Variants in ENAH observed in about 807,000 individuals in gnomAD.
The protein encoded by ENAH is protein enabled homolog.
ENAH carries 23 observed loss-of-function variants against 78.7 expected under a neutral mutation model. The observed-to-expected ratio is 0.29, with a 90% CI of 0.21 to 0.41. ENAH has a LOEUF of 0.41. ENAH is among the 10% of genes least tolerant of loss of function. ENAH has a pLI of 1.00. For missense variants in ENAH, 544 were observed against 691.0 expected, an observed-to-expected ratio of 0.79 and a Z score of 2.39; for synonymous variants, 226 against 241.0, an observed-to-expected ratio of 0.94 and a Z score of 0.58.
At position 225,493,254 on chromosome 1, in the gene ENAH, A is replaced by G. The variant is rs756604701; in HGVS notation, c.*4521T>C. On this transcript the variant is annotated 3_prime_UTR_variant, in exon 14 of 14. Transcript: ENST00000366843. The stretch of plus-strand genomic sequence containing the variant: ...GAAAAACCTGCATCACAGACCTCCA[A>G]CAGTTCTTGGCTTCTATAAACGGAC... 6.6e-6 allele frequency: 1 copy of G among 152,166 alleles called. No individual in the cohort carries two copies. Among genetic ancestry groups the G allele is most frequent in the African/African-American group, 2.4e-5 (1 of 41,440 alleles). 9.4% of individuals were successfully genotyped at this position (152,166 alleles called of 1,614,324 possible). A position where few individuals can be genotyped will look rare whatever the true frequency, so the allele number is the denominator to read the frequency against.
intron 3 of ENAH, chr1:225,535,594 C>T (rs899792912): frequency 3.9e-6 from 5 of 1,272,242 alleles, no homozygotes; most frequent in African/African-American, 3.1e-5. Context: ...TTAGAAGCTT[C>T]GAAGGACAAC....
chr1:225,639,222 A>G (rs1172372572), intron 1 of ENAH, among the ~76,000 whole-genome samples: 5 of 152,218 alleles, frequency 3.3e-5, no homozygotes, highest in African/African-American at 7.2e-5. Context: ...AGGGAACTTA[A>G]TGGCCTAAGT....
intron 1 of ENAH, among the ~76,000 whole-genome samples, chr1:225,622,939 G>GGAT (rs1452746124): frequency 6.6e-6 from 1 of 152,118 alleles, no homozygotes; most frequent in Non-Finnish European, 1.5e-5. Context: ...AGGGGCACAG[G>GGAT]GATAAGACAT....
At chr1:225,581,382 G>T in intron 1 of ENAH, 1 of 681,300 alleles carries the variant, frequency 1.5e-6, no homozygotes, top group Non-Finnish European at 1.8e-6. Context: ...AAAGGCACCA[G>T]GCAGAGCCAA....
chr1:225,591,950 C>T (rs1212159817), intron 1 of ENAH, among the ~76,000 whole-genome samples: 1 of 151,976 alleles, frequency 6.6e-6, no homozygotes, highest in Non-Finnish European at 1.5e-5. Flanking sequence ...TTCCTAGTTG[C>T]GTCACCTTAA....
intron 1 of ENAH, among the ~76,000 whole-genome samples, chr1:225,631,844 C>A (rs1659142280): frequency 6.6e-6 from 1 of 152,062 alleles, no homozygotes; most frequent in South Asian, 2.1e-4. Flanking sequence ...AGCATACCCA[C>A]AGATTTTGTT....
intron 1 of ENAH, among the ~76,000 whole-genome samples, chr1:225,591,775 A>G (rs1358711423): frequency 6.7e-6 from 1 of 148,792 alleles, no homozygotes; most frequent in Non-Finnish European, 1.5e-5. Context: ...AAAAAAAAAA[A>G]AAAAAAAAAA....
At chr1:225,638,711 G>C (rs887831416) in intron 1 of ENAH, among the ~76,000 whole-genome samples, 5 of 152,178 alleles carry the variant, frequency 3.3e-5, no homozygotes, top group African/African-American at 1.2e-4. Context: ...ACTCAAGGCT[G>C]AGCTGATCAA....
intron 1 of ENAH, among the ~76,000 whole-genome samples, chr1:225,585,863 T>A (rs1482585856): frequency 6.6e-6 from 1 of 152,048 alleles, no homozygotes; most frequent in Admixed American, 6.6e-5. Flanking sequence ...AATTTATAGT[T>A]GTGAATGCAT....
rs547356304 is a variant in ENAH at position 225,525,486 on chromosome 1, G to C, written c.434+5068C>G. Among the ~76,000 whole-genome samples the C allele has an allele frequency of 5.3e-5, 8 of 152,204 alleles. No homozygotes were observed. The East Asian group carries it at 1.5e-3, about 29-fold the overall frequency. On this transcript the variant is annotated intron_variant, in intron 4 of 13. Transcript: ENST00000366843. ...ACATGGTCCAACATAGCAGAACCACGGTCAGGTTTTTCTATTCTTTTGTTT... is the reference window on the plus strand; with the variant it reads ...ACATGGTCCAACATAGCAGAACCACCGTCAGGTTTTTCTATTCTTTTGTTT...
At chr1:225,632,468 A>G (rs1575801609) in intron 1 of ENAH, among the ~76,000 whole-genome samples, 2 of 151,610 alleles carry the variant, frequency 1.3e-5, no homozygotes, top group Non-Finnish European at 2.9e-5. Flanking sequence ...ATGGCACTCC[A>G]ACCTGGGTGA....
At chr1:225,611,319 C>A in intron 1 of ENAH, among the ~76,000 whole-genome samples, 1 of 151,956 alleles carries the variant, frequency 6.6e-6, no homozygotes, top group East Asian at 1.9e-4. Context: ...TATTTATTTA[C>A]GTATTTATTT....
intron 1 of ENAH, among the ~76,000 whole-genome samples, chr1:225,611,212 C>T (rs1293755830): frequency 6.6e-6 from 1 of 152,002 alleles, no homozygotes; most frequent in African/African-American, 2.4e-5. Flanking sequence ...CCCTGTAATC[C>T]CAGCACTTTG....
chr1:225,566,205 C>T (rs1282517709), intron 2 of ENAH, among the ~76,000 whole-genome samples: 3 of 152,146 alleles, frequency 2.0e-5, no homozygotes, highest in Non-Finnish European at 4.4e-5. Flanking sequence ...AAGGATTTCT[C>T]TTGTCTTCTT....
chr1:225,546,763 T>C (rs536386764), intron 3 of ENAH, among the ~76,000 whole-genome samples: 1 of 152,156 alleles, frequency 6.6e-6, no homozygotes, highest in Non-Finnish European at 1.5e-5. Flanking sequence ...GAACTCAATA[T>C]TTAGAGTCAA....
At chr1:225,549,665 C>A (rs535154026) in intron 3 of ENAH, among the ~76,000 whole-genome samples, 1 of 152,240 alleles carries the variant, frequency 6.6e-6, no homozygotes, top group East Asian at 1.9e-4. Flanking sequence ...TATGTATACG[C>A]CAGATTAAGA....
chr1:225,522,609 A>G (rs1240205737), intron 4 of ENAH, among the ~76,000 whole-genome samples: 1 of 152,180 alleles, frequency 6.6e-6, no homozygotes, highest in Admixed American at 6.5e-5. Context: ...GAATGTTTTT[A>G]ATAATAAACA....
intron 3 of ENAH, among the ~76,000 whole-genome samples, chr1:225,540,416 T>TC (rs1339914854): frequency 1.3e-5 from 2 of 152,224 alleles, no homozygotes; most frequent in African/African-American, 4.8e-5. Flanking sequence ...AAAGACCATG[T>TC]CTGTTTTCTC....
At chr1:225,555,609 CA>C (rs892515602) in intron 2 of ENAH, among the ~76,000 whole-genome samples, 3 of 150,298 alleles carry the variant, frequency 2.0e-5, no homozygotes, top group Admixed American at 6.6e-5. Flanking sequence ...ATCAGCAAAA[CA>C]AAAAAAAATT....
Sources: gnomAD v4.1 joint callset for allele counts (sites outside exome capture counted in the v4.1 genomes callset) on GRCh38, gnomAD v4.1.1 for gene constraint, MANE v1.5 for transcripts, NCBI Gene and HGNC (gene_info 2026-07-23, HGNC 2026-07-21) for gene names.